Variants in ENTREP1 observed in about 807,000 individuals in gnomAD.
ENTREP1 encodes the protein endosomal transmembrane epsin interactor 1.
At chr9:69,387,764 C>T in the ENTREP1 span, 2 of 541,232 alleles carry the variant, frequency 3.7e-6, no homozygotes, top group South Asian at 3.9e-5. Context: ...TAATTGACTA[C>T]TTCATCCTCG....
chr9:69,377,876 A>G, the ENTREP1 span: 1 of 962,890 alleles, frequency 1.0e-6, no homozygotes, highest in East Asian at 2.7e-5. Context: ...TCCTGACTTG[A>G]GGAACGTTAG....
the ENTREP1 span, among the ~76,000 whole-genome samples, chr9:69,362,221 T>TA: frequency 6.6e-6 from 1 of 152,130 alleles, no homozygotes; most frequent in African/African-American, 2.4e-5. Flanking sequence ...TCAGCCTATT[T>TA]AAAGAATGAA....
the ENTREP1 span, chr9:69,325,393 C>CGCT: frequency 9.0e-7 from 1 of 1,112,338 alleles, no homozygotes; most frequent in Non-Finnish European, 1.1e-6. Flanking sequence ...GCCCGGGCGC[C>CGCT]GCTGCCGCCG....
chr9:69,342,802 T>A, the ENTREP1 span, among the ~76,000 whole-genome samples: 1 of 152,258 alleles, frequency 6.6e-6, no homozygotes, highest in African/African-American at 2.4e-5. Context: ...TTAGGTATTG[T>A]GAAGGCAGCT....
chr9:69,389,130 C>T, the ENTREP1 span, among the ~76,000 whole-genome samples: 18,482 of 152,134 alleles, frequency 0.12, 1,440 homozygotes, highest in Admixed American at 0.2. Flanking sequence ...AGAGCCTTCT[C>T]TCCACCTCTT....
chr9:69,334,581 C>T, the ENTREP1 span, among the ~76,000 whole-genome samples: 1 of 152,264 alleles, frequency 6.6e-6, no homozygotes, highest in Non-Finnish European at 1.5e-5. Context: ...TAGAGGAAAA[C>T]CTTCATGGCT....
chr9:69,391,486 T>C, the ENTREP1 span: 3 of 828,648 alleles, frequency 3.6e-6, no homozygotes, highest in Admixed American at 5.2e-5. Context: ...CCTTTTTTTT[T>C]TCTTTTTCAA....
the ENTREP1 span, chr9:69,375,864 G>C: frequency 3.7e-6 from 6 of 1,613,074 alleles, no homozygotes; most frequent in Non-Finnish European, 5.1e-6. Flanking sequence ...TTCTACTTAA[G>C]GTACCTCAAA....
the ENTREP1 span, among the ~76,000 whole-genome samples, chr9:69,367,730 A>ATATATACACACATATATATAAAT: frequency 1.9e-5 from 1 of 52,012 alleles, no homozygotes; most frequent in East Asian, 6.3e-4. Context: ...TATATATAAA[A>ATATATACACACATATATATAAAT]ATATATATAT....
At chr9:69,363,354 A>G in the ENTREP1 span, among the ~76,000 whole-genome samples, 7 of 152,200 alleles carry the variant, frequency 4.6e-5, no homozygotes, top group Non-Finnish European at 8.8e-5. Flanking sequence ...AATGAGAACA[A>G]TAGGAATGGG....
At chr9:69,383,694 G>A in the ENTREP1 span, 1 of 1,614,154 alleles carries the variant, frequency 6.2e-7, no homozygotes, top group African/African-American at 1.3e-5. Context: ...AGGTGTGGAA[G>A]TGTTCTGTCC....
chr9:69,391,468 G>T, the ENTREP1 span: 1 of 704,878 alleles, frequency 1.4e-6, no homozygotes. Context: ...TTCCACTTTG[G>T]GAAAATGCCT....
the ENTREP1 span, among the ~76,000 whole-genome samples, chr9:69,357,836 A>AT: frequency 1.3e-5 from 2 of 151,840 alleles, no homozygotes; most frequent in Non-Finnish European, 2.9e-5. Flanking sequence ...GTCTTTAATT[A>AT]TTTTTTTTCC....
the ENTREP1 span, chr9:69,377,515 T>C: frequency 6.2e-7 from 1 of 1,608,464 alleles, no homozygotes; most frequent in Non-Finnish European, 8.5e-7. Flanking sequence ...ACGTTTCCGC[T>C]GAGCCAGCCC....
the ENTREP1 span, chr9:69,325,827 G>C: frequency 8.3e-7 from 1 of 1,207,516 alleles, no homozygotes; most frequent in Non-Finnish European, 1.0e-6. Flanking sequence ...GCTGCAGTTG[G>C]GGGAGCCTCA....
At chr9:69,391,750 G>C in the ENTREP1 span, 2 of 1,613,602 alleles carry the variant, frequency 1.2e-6, no homozygotes, top group Non-Finnish European at 1.7e-6. Context: ...CCCGGCGAGT[G>C]GAGGCTGAGC....
chr9:69,341,567 T>C, the ENTREP1 span, among the ~76,000 whole-genome samples: 1 of 152,160 alleles, frequency 6.6e-6, no homozygotes, highest in South Asian at 2.1e-4. Context: ...GAGCTAGGAA[T>C]TTTTCATCTT....
the ENTREP1 span, among the ~76,000 whole-genome samples, chr9:69,367,708 TATATATACACATATATATAAAA>T: frequency 0.068 from 6,959 of 101,880 alleles, 334 homozygotes; most frequent in Non-Finnish European, 0.094. Flanking sequence ...TATATAAATA[TATATATACACATATATATAAAA>T]ATATATATAT....
At chr9:69,391,691 GACCTTCAC>G in the ENTREP1 span, 3 of 1,614,050 alleles carry the variant, frequency 1.9e-6, no homozygotes, top group Non-Finnish European at 2.5e-6. Flanking sequence ...GAGCTGCGGC[GACCTTCAC>G]ACCTTCACAC....
Sources: allele counts gnomAD v4.1 joint callset (sites outside exome capture counted in the v4.1 genomes callset), GRCh38; gene constraint gnomAD v4.1.1; transcripts MANE v1.5; gene names NCBI Gene and HGNC (gene_info 2026-07-23, HGNC 2026-07-21).